Variants in CAB39L observed in about 807,000 individuals in gnomAD.
The protein encoded by CAB39L is calcium-binding protein 39-like.
Under a neutral mutation model 39.1 loss-of-function variants are expected in CAB39L, and 23 were observed. That is an observed-to-expected ratio of 0.59 (90% confidence interval 0.42 to 0.83). The LOEUF (loss-of-function observed/expected upper bound fraction) is 0.83, where lower values mean the gene tolerates loss of function less well. Ranked by LOEUF, CAB39L falls within the 40% of genes least tolerant of loss-of-function variation. The pLI is 0.00. For missense variants in CAB39L, 366 were observed against 391.9 expected (o/e 0.93, Z 0.56); for synonymous variants, 126 against 137.2 (o/e 0.92, Z 0.57).
chr13:49,379,706 TA>T lies in CAB39L; in HGVS notation c.112-2576del, dbSNP rs1382569023. 6.7e-3 allele frequency among the ~76,000 whole-genome samples: 192 copies of T among 28,768 alleles called. 45 individuals carry two copies. Among genetic ancestry groups the T allele is most frequent in the Middle Eastern group, 0.065 (3 of 46 alleles). The allele number at this position is 28,768 out of a possible 152,430, so 18.9% of individuals were successfully genotyped here. A position where few individuals can be genotyped will look rare whatever the true frequency, so the allele number is the denominator to read the frequency against. On this transcript the variant is annotated intron_variant, in intron 4 of 10. Transcript: ENST00000409308. Reference sequence around the variant, plus strand: ...AGAATTATCAATAAAAAAATAAATTTAAAAAAAAAAAAAAACAAAAAAACAA... The same window carrying T: ...AGAATTATCAATAAAAAAATAAATTTAAAAAAAAAAAAAACAAAAAAACAA...
chr13:49,354,522 C>A (rs1457632374), intron 6 of CAB39L, among the ~76,000 whole-genome samples: 1 of 152,188 alleles, frequency 6.6e-6, no homozygotes, highest in Non-Finnish European at 1.5e-5. Flanking sequence ...ATGTATCCCA[C>A]CTAATCTATT....
chr13:49,334,821 T>C (rs1346322439), intron 9 of CAB39L, among the ~76,000 whole-genome samples: 1 of 152,148 alleles, frequency 6.6e-6, no homozygotes, highest in Non-Finnish European at 1.5e-5. Flanking sequence ...CCATTACATA[T>C]ATATATCCTC....
intron 3 of CAB39L, among the ~76,000 whole-genome samples, chr13:49,390,330 T>C (rs1285134272): frequency 6.6e-6 from 1 of 152,212 alleles, no homozygotes; most frequent in Non-Finnish European, 1.5e-5. Flanking sequence ...TACTGCAGCC[T>C]CGAACTCCTG....
At chr13:49,422,941 G>C (rs929499678) in intron 3 of CAB39L, among the ~76,000 whole-genome samples, 1 of 151,976 alleles carries the variant, frequency 6.6e-6, no homozygotes, top group Non-Finnish European at 1.5e-5. Context: ...GATGATACTA[G>C]GTCATTTTTA....
intron 3 of CAB39L, chr13:49,420,256 T>C (rs184372729): frequency 4.6e-5 from 7 of 152,358 alleles, no homozygotes; most frequent in Admixed American, 2.0e-4. Flanking sequence ...TATTTCTCTA[T>C]GTAAGTAAAT....
At chr13:49,323,753 C>T (rs2038135098) in intron 10 of CAB39L, among the ~76,000 whole-genome samples, 1 of 152,120 alleles carries the variant, frequency 6.6e-6, no homozygotes. Context: ...TATTACTACC[C>T]AGGACTCTGT....
In CAB39L at chr13:49,395,562, A is replaced by G. The variant is rs574371493; in HGVS notation, c.-31-12621T>C. ...TGTCTTTTCAAAGCATTATTCAAAC[A>G]TGATTTCTTTGGCTATAAAGTTTCA... On this transcript the variant is annotated intron_variant, in intron 3 of 10. Coordinates refer to ENST00000409308, the MANE Select transcript of CAB39L (RefSeq NM_001079670.3). Among the ~76,000 whole-genome samples the G allele has an allele frequency of 2.0e-5, 3 of 152,198 alleles. No homozygotes were observed. The East Asian group carries it at 5.8e-4, about 29-fold the overall frequency.
intron 1 of CAB39L, 63 bp from the exon 2 acceptor site, chr13:49,434,286 A>C (rs1566140237): frequency 5.0e-6 from 2 of 401,650 alleles, no homozygotes; most frequent in Middle Eastern, 4.0e-4. Context: ...TTTAAATCTC[A>C]ATCTTCTACT....
chr13:49,375,517 A>G (rs751514903), intron 5 of CAB39L, among the ~76,000 whole-genome samples: 5 of 152,214 alleles, frequency 3.3e-5, no homozygotes, highest in Admixed American at 6.5e-5. Flanking sequence ...GAGGAAAAAG[A>G]AAAAGATTCT....
At chr13:49,380,878 ATTTATT>A (rs957464394) in intron 4 of CAB39L, among the ~76,000 whole-genome samples, 3 of 152,132 alleles carry the variant, frequency 2.0e-5, no homozygotes, top group Non-Finnish European at 4.4e-5. Flanking sequence ...TTTGTTATTT[ATTTATT>A]TTTATTTTTC....
intron 10 of CAB39L, among the ~76,000 whole-genome samples, chr13:49,311,436 C>T (rs1000466899): frequency 6.6e-5 from 10 of 152,182 alleles, no homozygotes; most frequent in African/African-American, 1.9e-4. Flanking sequence ...TACGTCTAAT[C>T]ATTATTTTAG....
At chr13:49,376,619 TG>T (rs35759866) in intron 5 of CAB39L, among the ~76,000 whole-genome samples, 1 of 152,174 alleles carries the variant, frequency 6.6e-6, no homozygotes, top group Non-Finnish European at 1.5e-5. Flanking sequence ...ATCTATAACA[TG>T]GGGCTAATAA....
Position 49,377,129 on chromosome 13 carries a change from A to G in CAB39L, c.114T>C (p.Ala38=), listed in dbSNP as rs766852124. The change falls in exon 5 of 11, where the codon GCT becomes GCC. Residue 38 remains alanine, a splice_region_variant and synonymous_variant. Transcript: ENST00000409308. ...GCAGTGATTTAGACACTTCTTCTGAAGCCTAGTGACCAAAACGTATGCTAA... is the reference window on the plus strand; with the variant it reads ...GCAGTGATTTAGACACTTCTTCTGAGGCCTAGTGACCAAAACGTATGCTAA... ...LEKQDKKTDK[A]SEEVSKSLQA... 2 of 1,612,814 alleles carry G rather than the reference A, an allele frequency of 1.2e-6. No homozygotes were observed. Among genetic ancestry groups the G allele is most frequent in the Non-Finnish European group, 1.7e-6 (2 of 1,179,234 alleles).
rs74074080 is a variant in CAB39L at position 49,423,270 on chromosome 13, T to C, written c.-32+10048A>G. On this transcript the variant is annotated intron_variant, in intron 3 of 10. Transcript: ENST00000409308. ...ATATCAAACAAGTCCCCAGGGGACG[T>C]TGATTCTGCTGGTCCAATGACCACA... is the stretch of plus-strand genomic sequence containing the variant. 5.3e-3 allele frequency among the ~76,000 whole-genome samples: 810 copies of C among 152,352 alleles called. 6 individuals carry two copies. Among genetic ancestry groups the C allele is most frequent in the African/African-American group, 0.018 (752 of 41,582 alleles).
rs1315088235 is a variant in CAB39L, at chr13:49,433,356, T to C, written c.-70A>G. On this transcript the variant is annotated 5_prime_UTR_variant, in exon 3 of 11. Coordinates refer to ENST00000409308, the MANE Select transcript of CAB39L (RefSeq NM_001079670.3). ...TATCATTTGCAAATTTGTTTGAACC[T>C]TCTTAGCTTTCACCAAAGTCACTGA... is the stretch of plus-strand genomic sequence containing the variant. 1 of 454,048 alleles carries C rather than the reference T, an allele frequency of 2.2e-6. No homozygotes were observed. The highest frequency in any genetic ancestry group is 4.4e-6 in the Non-Finnish European group (1 of 226,340). The allele number at this position is 454,048 out of a possible 1,614,324, so 28.1% of individuals were successfully genotyped here.
At chr13:49,346,172 A>C (rs1955170047) in intron 7 of CAB39L, among the ~76,000 whole-genome samples, 1 of 138,062 alleles carries the variant, frequency 7.2e-6, no homozygotes, top group African/African-American at 2.7e-5. Context: ...TCTCACGCCC[A>C]CATTTCCACT....
At chr13:49,336,610 C>T (rs751215383) in intron 9 of CAB39L, among the ~76,000 whole-genome samples, 1 of 152,056 alleles carries the variant, frequency 6.6e-6, no homozygotes, top group Non-Finnish European at 1.5e-5. Flanking sequence ...ATCTGATAGA[C>T]TCCCATTGAA....
At chr13:49,329,543 AAATAT>A (rs1445937580) in intron 10 of CAB39L, among the ~76,000 whole-genome samples, 17 of 33,410 alleles carry the variant, frequency 5.1e-4, no homozygotes, top group African/African-American at 1.7e-3. Flanking sequence ...TTAAAAAAAA[AAATAT>A]ATATATATAT....
chr13:49,440,092 C>T (rs1208053600), intron 1 of CAB39L, among the ~76,000 whole-genome samples: 2 of 151,958 alleles, frequency 1.3e-5, no homozygotes, highest in African/African-American at 4.8e-5. Flanking sequence ...TAATTAGGTC[C>T]TACTTGTCAA....
Sources: allele counts gnomAD v4.1 joint callset (sites outside exome capture counted in the v4.1 genomes callset), GRCh38; gene constraint gnomAD v4.1.1; transcripts MANE v1.5; gene names NCBI Gene and HGNC (gene_info 2026-07-23, HGNC 2026-07-21).